ARAP1: variants seen among roughly 807,000 people sequenced by gnomAD.
ARAP1 encodes the protein arf-GAP with Rho-GAP domain, ANK repeat and PH domain-containing protein 1.
Under a neutral mutation model 172.2 loss-of-function variants are expected in ARAP1, and 76 were observed. The ratio of observed to expected loss-of-function variants is 0.44; its 90% confidence interval spans 0.37 to 0.53. ARAP1 has a LOEUF of 0.53. Among genes scored for constraint, ARAP1 ranks in the 20% least tolerant of loss-of-function variants. The pLI is 0.00. For missense variants in ARAP1, 1,686 were observed against 1,977.5 expected, an observed-to-expected ratio of 0.85 and a Z score of 2.80; for synonymous variants, 804 against 803.3, an observed-to-expected ratio of 1.00 and a Z score of -0.01.
chr11:72,696,701 T>C, intron 22 of ARAP1, 47 bp from the exon 23 acceptor site: 2 of 1,483,094 alleles, frequency 1.3e-6, no homozygotes, highest in Non-Finnish European at 1.8e-6. Flanking sequence ...GTAACTATCT[T>C]CCCCCCACCC....
chr11:72,723,445 G>A (rs887528290), intron 3 of ARAP1, among the ~76,000 whole-genome samples: 2 of 152,184 alleles, frequency 1.3e-5, no homozygotes, highest in African/African-American at 4.8e-5. Context: ...CCAGGAGGAG[G>A]GAACTCCATC....
At chr11:72,700,135 G>T (rs1399203914) in intron 16 of ARAP1, 1 of 160,870 alleles carries the variant, frequency 6.2e-6, no homozygotes, top group East Asian at 1.9e-4. Flanking sequence ...GAAAGGTAAT[G>T]GAAAGGATAG....
chr11:72,700,986 G>T (rs971911987), intron 16 of ARAP1, among the ~76,000 whole-genome samples: 1 of 152,192 alleles, frequency 6.6e-6, no homozygotes, highest in Non-Finnish European at 1.5e-5. Context: ...CAACAAGAGC[G>T]AAACTCCATC....
At chr11:72,721,549 G>A (rs956461643) in intron 3 of ARAP1, among the ~76,000 whole-genome samples, 1 of 152,124 alleles carries the variant, frequency 6.6e-6, no homozygotes, top group Non-Finnish European at 1.5e-5. Flanking sequence ...TCTGAGAAAG[G>A]CCCAGAAAAC....
At chr11:72,721,989 T>G in intron 3 of ARAP1, 1 of 986,108 alleles carries the variant, frequency 1.0e-6, no homozygotes, top group Non-Finnish European at 1.2e-6. Flanking sequence ...GCCTGGCCCC[T>G]GGCCCCTGGG....
intron 1 of ARAP1, among the ~76,000 whole-genome samples, chr11:72,738,937 A>G (rs1258103954): frequency 6.6e-6 from 1 of 151,806 alleles, no homozygotes; most frequent in Non-Finnish European, 1.5e-5. Context: ...TCCCCGGCCC[A>G]GTCACCAGGT....
rs1323822911 is a variant in ARAP1 at position 72,702,888 on chromosome 11, C to G, written c.2167+17G>C. The stretch of plus-strand genomic sequence containing the variant: ...CACTGCACAGCCTGGTGGACCCCCA[C>G]CCTCTGCCACGCTCACCTGTGGTCC... On this transcript the variant is annotated intron_variant, in intron 15 of 34. Coordinates refer to ENST00000393609, the MANE Select transcript of ARAP1 (RefSeq NM_001040118.3). The G allele has an allele frequency of 1.3e-6, 2 of 1,551,408 alleles. No individual in the cohort carries two copies. The highest frequency in any genetic ancestry group is 1.7e-6 in the Non-Finnish European group (2 of 1,147,240).
chr11:72,726,818 G>C lies in ARAP1; in HGVS notation c.311C>G (p.Thr104Ser), dbSNP rs763252457. 5.1e-6 allele frequency: 8 copies of C among 1,564,830 alleles called. No homozygotes were observed. In the Admixed American group the frequency reaches 5.7e-5, roughly 11 times the overall value. ...GGGGAGCCCCTCATCCTCTGTAGTG[G>C]TGGGCAGCGGCTCGGGTGGAGTGGC... The part of the protein sequence containing the change: ...VPATPPEPLP[T>S]TTEDEGLPAA... Residue 104 changes from threonine (T) to serine (S), a missense_variant, in exon 3 of 35, where the codon ACC becomes AGC. Coordinates refer to ENST00000393609, the MANE Select transcript of ARAP1 (RefSeq NM_001040118.3). This position sits in a 1 kb window ranked among gnomAD's most constrained non-coding sequence, Gnocchi z 6.5.
rs1254845355 is a variant in ARAP1, at chr11:72,695,880, A to G, written c.3273-15T>C. The G allele has an allele frequency of 1.2e-6, 2 of 1,605,372 alleles. No individual in the cohort carries two copies. The highest frequency in any genetic ancestry group is 1.1e-5 in the South Asian group (1 of 89,262). ...AGCACTGAACACTGGAGAGGGGAGG[A>G]GGAGGGCTTTGAGTGAGGAGTCAGG... is the stretch of plus-strand genomic sequence containing the variant. On this transcript the variant is annotated splice_polypyrimidine_tract_variant and intron_variant, in intron 23 of 34. Transcript: ENST00000393609. This position sits in a 1 kb window ranked among gnomAD's most constrained non-coding sequence, Gnocchi z 4.4.
Position 72,703,087 on chromosome 11 carries a change from G to T in ARAP1, c.1993-8C>A. ...GACTGCAGCACACAGGGCCTAGGAA[G>T]AGGCAGGGGAGGGTCAGCCCAAGAA... On this transcript the variant is annotated splice_polypyrimidine_tract_variant and splice_region_variant and intron_variant, in intron 14 of 34. Coordinates refer to ENST00000393609, the MANE Select transcript of ARAP1 (RefSeq NM_001040118.3). 3 of 1,546,158 alleles carry T rather than the reference G, an allele frequency of 1.9e-6. No homozygotes were observed. Among genetic ancestry groups the T allele is most frequent in the Non-Finnish European group, 2.6e-6 (3 of 1,148,562 alleles).
chr11:72,746,837 T>C (rs1858382841), intron 1 of ARAP1, among the ~76,000 whole-genome samples: 1 of 152,206 alleles, frequency 6.6e-6, no homozygotes, highest in African/African-American at 2.4e-5. Flanking sequence ...CAAAGGTCTC[T>C]CACTGAGCTA....
chr11:72,706,010 T>G (rs2135528836), intron 12 of ARAP1, 120 bp from the exon 13 acceptor site: 1 of 910,006 alleles, frequency 1.1e-6, no homozygotes, highest in Non-Finnish European at 1.7e-6. Flanking sequence ...CCCCAGGGGG[T>G]AGGCCTGCTG....
chr11:72,693,926 G>T lies in ARAP1; in HGVS notation c.3695-121C>A. On this transcript the variant is annotated intron_variant, in intron 27 of 34. Transcript: ENST00000393609. This position sits in a 1 kb window ranked among gnomAD's most constrained non-coding sequence, Gnocchi z 4.6. ...CACTCCAACCATATGCAAGTGCCAC[G>T]ACACAAAACACCACCATCATGACCA... The T allele has an allele frequency of 1.4e-6, 1 of 734,012 alleles. No individual in the cohort carries two copies. The highest frequency in any genetic ancestry group is 2.2e-6 in the Non-Finnish European group (1 of 454,998). The allele number at this position is 734,012 out of a possible 1,614,324, so 45.5% of individuals were successfully genotyped here. A position where few individuals can be genotyped will look rare whatever the true frequency, so the allele number is the denominator to read the frequency against.
chr11:72,686,333 G>T, intron 33 of ARAP1, 142 bp from the exon 34 acceptor site: 1 of 1,143,936 alleles, frequency 8.7e-7, no homozygotes, highest in Non-Finnish European at 1.2e-6. Flanking sequence ...GATATGAGAA[G>T]CAGCTGTGGG....
intron 3 of ARAP1, 71 bp from the exon 4 acceptor site, chr11:72,714,392 T>A: frequency 6.9e-7 from 1 of 1,453,994 alleles, no homozygotes; most frequent in Non-Finnish European, 9.2e-7. Flanking sequence ...AGCCCCCAGC[T>A]CACCTGAACT....
At chr11:72,745,345 C>T (rs1312688185) in intron 1 of ARAP1, among the ~76,000 whole-genome samples, 4 of 148,394 alleles carry the variant, frequency 2.7e-5, no homozygotes, top group East Asian at 3.9e-4. Flanking sequence ...CCTGCCACCA[C>T]GTCCGGCTAA....
chr11:72,712,941 C>T, intron 5 of ARAP1: 1 of 601,448 alleles, frequency 1.7e-6, no homozygotes, highest in Non-Finnish European at 3.0e-6. Flanking sequence ...GCCACATGCC[C>T]ACCCACATAC....
rs11235571 is a variant in ARAP1 at position 72,700,798 on chromosome 11, G to A, written c.2302+851C>T. 3.0e-3 allele frequency among the ~76,000 whole-genome samples: 458 copies of A among 152,368 alleles called. 21 individuals carry two copies. In the East Asian group the frequency reaches 0.087, roughly 29 times the overall value. On this transcript the variant is annotated intron_variant, in intron 16 of 34. Transcript: ENST00000393609. ...GCGGGCAGATCACCTGAGGTCGGGA[G>A]TTTGAGACCAACCTGACCAACATGG... is the stretch of plus-strand genomic sequence containing the variant.
At chr11:72,721,658 G>A (rs1346524207) in intron 3 of ARAP1, among the ~76,000 whole-genome samples, 1 of 152,024 alleles carries the variant, frequency 6.6e-6, no homozygotes, top group African/African-American at 2.4e-5. Context: ...GGGGAGAAAA[G>A]GAAAAGGCAG....
Sources: allele counts gnomAD v4.1 joint callset (sites outside exome capture counted in the v4.1 genomes callset), GRCh38; gene constraint gnomAD v4.1.1; non-coding constraint Gnocchi (gnomAD v3.1); transcripts MANE v1.5; gene names NCBI Gene and HGNC (gene_info 2026-07-23, HGNC 2026-07-21).